CCDC112: variants seen among roughly 807,000 people sequenced by gnomAD.
The protein encoded by CCDC112 is coiled-coil domain containing 112.
Under a neutral mutation model 66.3 loss-of-function variants are expected in CCDC112, and 40 were observed. That is an observed-to-expected ratio of 0.60 (90% CI 0.47 to 0.79). The LOEUF is 0.79. CCDC112 is among the 30% of genes least tolerant of loss of function. The probability of loss-of-function intolerance (pLI) is 0.00; values close to 1 mark genes in which losing one functional copy is unlikely to be tolerated. For missense variants in CCDC112, 659 were observed against 603.8 expected, an observed-to-expected ratio of 1.09 and a Z score of -0.96; for synonymous variants, 214 against 197.2, an observed-to-expected ratio of 1.09 and a Z score of -0.71.
In CCDC112 at chr5:115,269,306, A is replaced by G. The variant is rs1047517608; in HGVS notation, c.1429-306T>C. 7.2e-5 allele frequency among the ~76,000 whole-genome samples: 11 copies of G among 152,308 alleles called. 1 individual carries two copies. Among genetic ancestry groups the G allele is most frequent in the Admixed American group, 2.0e-4 (3 of 15,300 alleles). On this transcript the variant is annotated intron_variant, in intron 8 of 9. Coordinates refer to ENST00000379611, the MANE Select transcript of CCDC112 (RefSeq NM_001040440.3). ...ATGCTAGTGATATAGCCAGACAACA[A>G]ATTTAGGATAAGTAACTACCAATAA... is the stretch of plus-strand genomic sequence containing the variant.
intron 9 of CCDC112, 94 bp from the exon 10 acceptor site, chr5:115,268,012 A>G (rs560545832): frequency 1.3e-5 from 12 of 943,814 alleles, no homozygotes; most frequent in Admixed American, 1.0e-4. Context: ...AAATATATAT[A>G]TAACCTACCC....
In CCDC112 at chr5:115,267,782, G is replaced by A. The variant is rs1748796730; in HGVS notation, c.*94C>T. On this transcript the variant is annotated 3_prime_UTR_variant, in exon 10 of 10. Coordinates refer to ENST00000379611, the MANE Select transcript of CCDC112 (RefSeq NM_001040440.3). Reference sequence around the variant, plus strand: ...ATAGCACAATAATCAATCTGACTAAGCTATTGATATTTAAAGAATGTGGTT... The same window carrying A: ...ATAGCACAATAATCAATCTGACTAAACTATTGATATTTAAAGAATGTGGTT... 5.2e-6 allele frequency: 5 copies of A among 958,870 alleles called. No homozygotes were observed. The highest frequency in any genetic ancestry group is 6.8e-6 in the Non-Finnish European group (4 of 588,914). 59.4% of individuals were successfully genotyped at this position (958,870 alleles called of 1,614,324 possible). A position where few individuals can be genotyped will look rare whatever the true frequency, so the allele number is the denominator to read the frequency against.
intron 6 of CCDC112, among the ~76,000 whole-genome samples, chr5:115,273,789 C>A (rs1225947382): frequency 6.6e-6 from 1 of 152,130 alleles, no homozygotes; most frequent in Non-Finnish European, 1.5e-5. Context: ...CTAATAAGGT[C>A]CCAGGTGATG....
At chr5:115,295,040 G>A (rs1269095490) in intron 1 of CCDC112, among the ~76,000 whole-genome samples, 9 of 151,936 alleles carry the variant, frequency 5.9e-5, no homozygotes, top group African/African-American at 9.7e-5. Flanking sequence ...TTTTTGTTAT[G>A]GGTGGCTGTT....
chr5:115,267,798 G>C lies in CCDC112; in HGVS notation c.*78C>G. 9.1e-7 allele frequency: 1 copy of C among 1,095,956 alleles called. No individual in the cohort carries two copies. The highest frequency in any genetic ancestry group is 1.4e-6 in the Non-Finnish European group (1 of 710,690). The allele number at this position is 1,095,956 out of a possible 1,614,324, so 67.9% of individuals were successfully genotyped here. A position where few individuals can be genotyped will look rare whatever the true frequency, so the allele number is the denominator to read the frequency against. ...TCTGACTAAGCTATTGATATTTAAA[G>C]AATGTGGTTAGTCACTCTCTCCCTG... On this transcript the variant is annotated 3_prime_UTR_variant, in exon 10 of 10. Coordinates refer to ENST00000379611, the MANE Select transcript of CCDC112 (RefSeq NM_001040440.3).
At chr5:115,280,324 A>C (rs1195357409) in intron 2 of CCDC112, 1 of 152,190 alleles carries the variant, frequency 6.6e-6, no homozygotes, top group Admixed American at 6.5e-5. Flanking sequence ...TAATATTATT[A>C]ATAAAACTAA....
At chr5:115,275,683 C>G (rs1031376556) in intron 5 of CCDC112, 77 bp from the exon 6 acceptor site, 3 of 1,051,218 alleles carry the variant, frequency 2.9e-6, no homozygotes, top group Non-Finnish European at 4.0e-6. Flanking sequence ...TTTAAGATAC[C>G]TGACTCTTTA....
intron 1 of CCDC112, among the ~76,000 whole-genome samples, chr5:115,294,516 A>G (rs1236345159): frequency 6.6e-6 from 1 of 152,232 alleles, no homozygotes; most frequent in Non-Finnish European, 1.5e-5. Flanking sequence ...TCTAGCTTCT[A>G]GAACTGTGAG....
chr5:115,289,140 T>C (rs1042986863), intron 1 of CCDC112: 10 of 214,910 alleles, frequency 4.7e-5, no homozygotes, highest in African/African-American at 2.1e-4. Flanking sequence ...TTAGCCACTT[T>C]GGCCAGTTTT....
chr5:115,271,208 C>G lies in CCDC112; in HGVS notation c.1332+5G>C. 6.4e-7 allele frequency: 1 copy of G among 1,571,650 alleles called. No individual in the cohort carries two copies. Among genetic ancestry groups the G allele is most frequent in the Non-Finnish European group, 8.6e-7 (1 of 1,167,536 alleles). On this transcript the variant is annotated splice_donor_5th_base_variant and intron_variant, in intron 7 of 9. Transcript: ENST00000379611. The stretch of plus-strand genomic sequence containing the variant: ...AAAAATTATTTAGGAAATAGATTTA[C>G]TCACTCTTTCTTGAAATCTGGAAAT...
rs750787166 is a variant in CCDC112, at chr5:115,279,704, C to T, written c.304G>A (p.Glu102Lys). ...TCCAATTCTTCTAGCATACTATGCT[C>T]AATTCTGAAGTCACTTTTTTGGTTG... ...FYNQKSDFRI[E>K]HSMLEELENK... The change falls in exon 3 of 10, where the codon GAG (glutamate) becomes AAG (lysine). Residue 102 changes from glutamate to lysine, a missense_variant. Physicochemically the swap from Glu to Lys is moderately conservative, Grantham distance 56. Transcript: ENST00000379611. The T allele has an allele frequency of 6.2e-7, 1 of 1,605,060 alleles. No homozygotes were observed. The highest frequency in any genetic ancestry group is 8.5e-7 in the Non-Finnish European group (1 of 1,172,642).
chr5:115,269,728 CTTT>C lies in CCDC112; in HGVS notation c.1400_1402del (p.Gln467del), dbSNP rs751733497. 5 of 1,599,548 alleles carry C rather than the reference CTTT, an allele frequency of 3.1e-6. No individual in the cohort carries two copies. The South Asian group carries it at 4.5e-5, about 14-fold the overall frequency. On this transcript the variant is annotated inframe_deletion, in exon 8 of 10. Coordinates refer to ENST00000379611, the MANE Select transcript of CCDC112 (RefSeq NM_001040440.3). ...CTTTTCTTTTAATTTTGCCAGTCTT[CTTT>C]GTTTTTGTGACTTTTCATCTTCCTT...
intron 1 of CCDC112, 160 bp downstream of exon 1, chr5:115,296,267 A>G: frequency 3.1e-6 from 4 of 1,304,348 alleles, no homozygotes; most frequent in Non-Finnish European, 3.9e-6. Flanking sequence ...AAGCTGTTAA[A>G]CGCACAAGCC....
intron 1 of CCDC112, among the ~76,000 whole-genome samples, chr5:115,289,499 G>A (rs1394409998): frequency 6.6e-6 from 1 of 152,170 alleles, no homozygotes; most frequent in Non-Finnish European, 1.5e-5. Flanking sequence ...CTACTTTACA[G>A]AACCCACTGT....
chr5:115,289,427 C>G, intron 1 of CCDC112: 1 of 152,924 alleles, frequency 6.5e-6, no homozygotes, highest in Non-Finnish European at 1.5e-5. Context: ...TGTTGCCGCT[C>G]CTCCCGCCAC....
At chr5:115,289,599 T>C (rs1322776321) in intron 1 of CCDC112, among the ~76,000 whole-genome samples, 1 of 152,242 alleles carries the variant, frequency 6.6e-6, no homozygotes. Context: ...CAATTCGATC[T>C]AAATTGAACT....
intron 3 of CCDC112, chr5:115,277,294 G>A: frequency 3.5e-6 from 1 of 286,378 alleles, no homozygotes; most frequent in Non-Finnish European, 6.5e-6. Flanking sequence ...CCGTGCTAAG[G>A]AAATGTCTTT....
chr5:115,292,835 T>C (rs1181805205), intron 1 of CCDC112, among the ~76,000 whole-genome samples: 1 of 152,250 alleles, frequency 6.6e-6, no homozygotes. Context: ...GTATGCATGC[T>C]GAAGCATACC....
At chr5:115,296,192 C>T (rs1468085334) in intron 1 of CCDC112, 74 of 1,270,276 alleles carry the variant, frequency 5.8e-5, no homozygotes, top group Non-Finnish European at 6.9e-5. Context: ...GGCTAGGAAG[C>T]GGCAGAGCCG....
Sources: gnomAD v4.1 joint callset for allele counts (sites outside exome capture counted in the v4.1 genomes callset) on GRCh38, gnomAD v4.1.1 for gene constraint, MANE v1.5 for transcripts, NCBI Gene and HGNC (gene_info 2026-07-23, HGNC 2026-07-21) for gene names.